SPAG6: variants seen among roughly 807,000 people sequenced by gnomAD.
SPAG6 encodes sperm-associated antigen 6.
Under a neutral mutation model 58.5 loss-of-function variants are expected in SPAG6, and 49 were observed. The ratio of observed to expected loss-of-function variants is 0.84; its 90% confidence interval spans 0.67 to 1.06. SPAG6 has a LOEUF of 1.06. Ranked by LOEUF, SPAG6 falls within the 50% of genes least tolerant of loss-of-function variation. The probability of loss-of-function intolerance (pLI) is 0.00; values close to 1 mark genes in which losing one functional copy is unlikely to be tolerated. For synonymous variants in SPAG6, 233 were observed against 225.6 expected, an observed-to-expected ratio of 1.03 and a Z score of -0.29; for missense variants, 560 against 611.3, an observed-to-expected ratio of 0.92 and a Z score of 0.89.
At chr10:22,381,495 C>G (rs1488410719) in intron 4 of SPAG6, among the ~76,000 whole-genome samples, 1 of 150,600 alleles carries the variant, frequency 6.6e-6, no homozygotes, top group African/African-American at 2.4e-5. Flanking sequence ...TTCACTACTG[C>G]TCTCCCACTC....
Position 22,345,602 on chromosome 10 carries a change from C to CG in SPAG6, c.-5dup. On this transcript the variant is annotated 5_prime_UTR_variant, in exon 1 of 11. Transcript: ENST00000376624. This position sits in a 1 kb window ranked among gnomAD's most constrained non-coding sequence, Gnocchi z 6.3. ...AGAGCTCGAGGAGGGCAGACGGCGG[C>CG]GGGGGCGCCATGAGTCAGAGGCAGG... The CG allele has an allele frequency of 6.5e-7, 1 of 1,528,882 alleles. No homozygotes were observed. The highest frequency in any genetic ancestry group is 8.8e-7 in the Non-Finnish European group (1 of 1,139,372). The allele number at this position is 1,528,882 out of a possible 1,614,324, so 94.7% of individuals were successfully genotyped here.
At chr10:22,358,625 C>T (rs903202554) in intron 2 of SPAG6, among the ~76,000 whole-genome samples, 3 of 151,646 alleles carry the variant, frequency 2.0e-5, no homozygotes, top group Admixed American at 2.0e-4. Context: ...GTTGCCATTG[C>T]TTTTGGTGTT....
At chr10:22,375,086 G>A (rs749152128) in intron 4 of SPAG6, among the ~76,000 whole-genome samples, 3 of 152,218 alleles carry the variant, frequency 2.0e-5, no homozygotes, top group Non-Finnish European at 4.4e-5. Flanking sequence ...AGGATATTTT[G>A]TGTACTGGTG....
chr10:22,412,659 C>A, intron 10 of SPAG6: 1 of 503,834 alleles, frequency 2.0e-6, no homozygotes, highest in Non-Finnish European at 3.5e-6. Context: ...GCCATCTCCG[C>A]CTCCCGGGTT....
At chr10:22,346,494 TTCTTTC>T (rs1216835598) in intron 2 of SPAG6, among the ~76,000 whole-genome samples, 129 of 134,168 alleles carry the variant, frequency 9.6e-4, no homozygotes, top group African/African-American at 3.9e-3. Flanking sequence ...CTTCTTCTTC[TTCTTTC>T]TTCTTCTTCT....
At chr10:22,412,309 C>A (rs571897367) in intron 10 of SPAG6, 60 of 558,650 alleles carry the variant, frequency 1.1e-4, no homozygotes, top group African/African-American at 1.1e-3. Context: ...CATATACTTA[C>A]GCAAGTTGCA....
chr10:22,378,585 C>T (rs946348770), intron 4 of SPAG6, among the ~76,000 whole-genome samples: 1 of 152,060 alleles, frequency 6.6e-6, no homozygotes, highest in Non-Finnish European at 1.5e-5. Context: ...CTATTTTCTT[C>T]TTTACCGGGA....
At chr10:22,412,632 G>A (rs1027419984) in intron 10 of SPAG6, 43 of 543,112 alleles carry the variant, frequency 7.9e-5, no homozygotes, top group Non-Finnish European at 1.2e-4. Context: ...GTGCAGTAGC[G>A]CGATCTTGGC....
At chr10:22,356,026 T>G (rs545533166) in intron 2 of SPAG6, among the ~76,000 whole-genome samples, 6 of 152,356 alleles carry the variant, frequency 3.9e-5, no homozygotes, top group African/African-American at 1.4e-4. Context: ...AGACTTACAC[T>G]GTAACAGGAG....
rs1588626837 is a variant in SPAG6 at position 22,345,521 on chromosome 10, G to A, written c.-91G>A. 3.5e-6 allele frequency: 4 copies of A among 1,128,730 alleles called. No homozygotes were observed. In the East Asian group the frequency reaches 8.2e-5, roughly 23 times the overall value. The allele number at this position is 1,128,730 out of a possible 1,614,324, so 69.9% of individuals were successfully genotyped here. On this transcript the variant is annotated 5_prime_UTR_variant, in exon 1 of 11. Coordinates refer to ENST00000376624, the MANE Select transcript of SPAG6 (RefSeq NM_012443.4). This position sits in a 1 kb window ranked among gnomAD's most constrained non-coding sequence, Gnocchi z 6.3. ...AGAGAAGCGGCTCCCGTCGGAGGCC[G>A]AGTCGTCGCCACGATCGCCCCCTTG... is the stretch of plus-strand genomic sequence containing the variant.
At chr10:22,400,628 A>C (rs1834390491) in intron 8 of SPAG6, among the ~76,000 whole-genome samples, 1 of 151,876 alleles carries the variant, frequency 6.6e-6, no homozygotes, top group Non-Finnish European at 1.5e-5. Flanking sequence ...GAATGGGGAA[A>C]TGTCTACCTA....
chr10:22,368,223 A>C (rs1447622103), intron 3 of SPAG6, among the ~76,000 whole-genome samples: 1 of 152,202 alleles, frequency 6.6e-6, no homozygotes, highest in Non-Finnish European at 1.5e-5. Flanking sequence ...TATGTTTATA[A>C]TTTTATACAA....
At chr10:22,410,159 G>C (rs1437657371) in intron 9 of SPAG6, among the ~76,000 whole-genome samples, 2 of 151,976 alleles carry the variant, frequency 1.3e-5, no homozygotes, top group Non-Finnish European at 2.9e-5. Flanking sequence ...TTACGTTTCT[G>C]ATCTTCTGTC....
chr10:22,366,183 C>T (rs894056451), intron 3 of SPAG6, among the ~76,000 whole-genome samples: 10 of 152,188 alleles, frequency 6.6e-5, no homozygotes, highest in South Asian at 2.1e-4. Flanking sequence ...AACAGATGAA[C>T]GGGTAAACAA....
At chr10:22,385,402 T>C (rs1834042610) in intron 4 of SPAG6, among the ~76,000 whole-genome samples, 1 of 151,112 alleles carries the variant, frequency 6.6e-6, no homozygotes, top group Admixed American at 6.6e-5. Flanking sequence ...TATATTCCTG[T>C]CATCTGCCTC....
chr10:22,346,008 G>C, intron 2 of SPAG6, 190 bp downstream of exon 2: 1 of 1,547,080 alleles, frequency 6.5e-7, no homozygotes, highest in Non-Finnish European at 8.7e-7. Flanking sequence ...GGTTGTGGGA[G>C]GTGCGCGTTG....
chr10:22,370,356 A>G (rs1833655239), intron 4 of SPAG6, among the ~76,000 whole-genome samples: 1 of 152,162 alleles, frequency 6.6e-6, no homozygotes, highest in Non-Finnish European at 1.5e-5. Flanking sequence ...TTTTGATTGC[A>G]GCTACCCTTG....
intron 4 of SPAG6, among the ~76,000 whole-genome samples, chr10:22,381,763 T>C (rs913164873): frequency 6.6e-6 from 1 of 152,216 alleles, no homozygotes; most frequent in Non-Finnish European, 1.5e-5. Context: ...AACATAGAGT[T>C]ATTTCTAATG....
chr10:22,364,284 C>T (rs572577236), intron 2 of SPAG6, among the ~76,000 whole-genome samples: 4 of 152,214 alleles, frequency 2.6e-5, no homozygotes, highest in African/African-American at 9.6e-5. Flanking sequence ...TAGAACAGTG[C>T]TTGCATATAA....
Sources: gnomAD v4.1 joint callset for allele counts (sites outside exome capture counted in the v4.1 genomes callset) on GRCh38, gnomAD v4.1.1 for gene constraint, Gnocchi (gnomAD v3.1) non-coding constraint, MANE v1.5 for transcripts, NCBI Gene and HGNC (gene_info 2026-07-23, HGNC 2026-07-21) for gene names.